The following FREM1 variants were observed in gnomAD, a reference collection of about 807,000 sequenced individuals.
The protein encoded by FREM1 is FRAS1 related extracellular matrix 1, also known as FRAS1-related extracellular matrix protein 1.
In FREM1, 220 loss-of-function variants were observed where a neutral mutation model predicts 210.1. That is an observed-to-expected ratio of 1.05 (90% CI 0.94 to 1.17). The LOEUF is 1.17. Among genes scored for constraint, FREM1 ranks in the 50% most tolerant of loss-of-function variants. The probability of loss-of-function intolerance (pLI) is 0.00; values close to 1 mark genes in which losing one functional copy is unlikely to be tolerated. For synonymous variants in FREM1, 1,189 were observed against 980.2 expected (o/e 1.21, Z -3.98); for missense variants, 3,454 against 2,675.5 (o/e 1.29, Z -6.42).
At chr9:14,787,095 C>T (rs1001157797) in intron 23 of FREM1, among the ~76,000 whole-genome samples, 2 of 152,178 alleles carry the variant, frequency 1.3e-5, no homozygotes, top group African/African-American at 4.8e-5. Flanking sequence ...CACAGCAACA[C>T]AGCAGTTGGG....
chr9:14,818,021 C>A (rs1820614034), intron 14 of FREM1, among the ~76,000 whole-genome samples: 1 of 152,112 alleles, frequency 6.6e-6, no homozygotes, highest in Admixed American at 6.5e-5. Flanking sequence ...AAAATCTGAC[C>A]CCTCCATATA....
intron 25 of FREM1, among the ~76,000 whole-genome samples, chr9:14,772,899 A>G (rs1847839550): frequency 6.6e-6 from 1 of 152,232 alleles, no homozygotes; most frequent in African/African-American, 2.4e-5. Context: ...TAATTCCTTA[A>G]AAATGAAAGT....
intron 25 of FREM1, among the ~76,000 whole-genome samples, chr9:14,774,489 A>G (rs897977808): frequency 2.0e-5 from 3 of 147,860 alleles, no homozygotes; most frequent in African/African-American, 7.5e-5. Flanking sequence ...GCATGAGCCA[A>G]TGAGCCAATT....
intron 21 of FREM1, among the ~76,000 whole-genome samples, chr9:14,794,782 G>A (rs186718409): frequency 2.6e-5 from 4 of 152,172 alleles, no homozygotes; most frequent in Non-Finnish European, 4.4e-5. Flanking sequence ...GGCAGATCAC[G>A]AGGTCAGGAG....
rs1444930176 is a variant in FREM1, at chr9:14,776,048, G to T, written c.4598C>A (p.Thr1533Asn). Reference sequence around the variant, plus strand: ...GTTCTCCGCAGGTGTATCAGGGTCGGTCAGCTGAAGGAGGTCAGGGGAAAG... The same window carrying T: ...GTTCTCCGCAGGTGTATCAGGGTCGTTCAGCTGAAGGAGGTCAGGGGAAAG... Reference protein sequence around the residue: ...GLLSPDLLQLTDPDTPAENLT... With the variant: ...GLLSPDLLQLNDPDTPAENLT... Residue 1533 changes from threonine to asparagine, a missense_variant, in exon 25 of 37, where the codon ACC becomes AAC. Coordinates refer to ENST00000380880, the MANE Select transcript of FREM1 (RefSeq NM_001379081.2). 1 of 1,613,980 alleles carries T rather than the reference G, an allele frequency of 6.2e-7. No individual in the cohort carries two copies. Among genetic ancestry groups the T allele is most frequent in the Admixed American group, 1.7e-5 (1 of 60,028 alleles).
At chr9:14,750,440 T>C (rs908151993) in intron 29 of FREM1, among the ~76,000 whole-genome samples, 164 bp from the exon 30 acceptor site, 3 of 152,040 alleles carry the variant, frequency 2.0e-5, no homozygotes, top group African/African-American at 7.2e-5. Context: ...CCAAATAATA[T>C]GAAAAGACCA....
At chr9:14,803,233 T>G (rs1237407221) in intron 19 of FREM1, among the ~76,000 whole-genome samples, 5 of 130,304 alleles carry the variant, frequency 3.8e-5, no homozygotes, top group African/African-American at 1.3e-4. Context: ...TCTCTTTCTT[T>G]CTCTCTCCTT....
At chr9:14,834,707 T>A (rs1025174880) in intron 10 of FREM1, among the ~76,000 whole-genome samples, 1 of 152,200 alleles carries the variant, frequency 6.6e-6, no homozygotes, top group Non-Finnish European at 1.5e-5. Context: ...ATCTGACATA[T>A]TTAGTCACAT....
rs943779763 is a variant in FREM1 at position 14,759,331 on chromosome 9, G to A, written c.5334+441C>T. ...TCGAGACCAGCCTGGCCAACATGGTGAAACCCCGTCTCCACTAAAAATACA... is the reference window on the plus strand; with the variant it reads ...TCGAGACCAGCCTGGCCAACATGGTAAAACCCCGTCTCCACTAAAAATACA... On this transcript the variant is annotated intron_variant, in intron 28 of 36. Transcript: ENST00000380880. Among the ~76,000 whole-genome samples, 3 of 151,980 alleles carry A rather than the reference G, an allele frequency of 2.0e-5. No homozygotes were observed. The South Asian group carries it at 6.2e-4, about 32-fold the overall frequency.
chr9:14,836,143 C>G lies in FREM1; in HGVS notation c.1881+5304G>C, dbSNP rs1824560439. Among the ~76,000 whole-genome samples, 1 of 152,236 alleles carries G rather than the reference C, an allele frequency of 6.6e-6. No homozygotes were observed. The highest frequency in any genetic ancestry group is 2.1e-4 in the South Asian group (1 of 4,836). Reference sequence around the variant, plus strand: ...CTTCATAGACCCCCAAAGGGGAGTTCTCTATCTTGGCAAGTAAAATTTTAG... The same window carrying G: ...CTTCATAGACCCCCAAAGGGGAGTTGTCTATCTTGGCAAGTAAAATTTTAG... On this transcript the variant is annotated intron_variant, in intron 10 of 36. Transcript: ENST00000380880. The surrounding 1 kb of genome is among the most constrained non-coding windows in gnomAD (Gnocchi z 4.9).
intron 1 of FREM1, among the ~76,000 whole-genome samples, chr9:14,906,207 G>A (rs1251204436): frequency 1.3e-5 from 2 of 152,168 alleles, no homozygotes; most frequent in Non-Finnish European, 2.9e-5. Context: ...TGAGGAAACT[G>A]GCTGAGTAAC....
At chr9:14,843,412 G>C (rs905840564) in intron 8 of FREM1, among the ~76,000 whole-genome samples, 2 of 152,092 alleles carry the variant, frequency 1.3e-5, no homozygotes, top group Non-Finnish European at 2.9e-5. Context: ...GGGCTTTCCT[G>C]GTTCTCCAAC....
Position 14,863,794 on chromosome 9 carries a change from T to A in FREM1, c.329+15A>T, listed in dbSNP as rs1380465884. 6.5e-7 allele frequency: 1 copy of A among 1,541,660 alleles called. No homozygotes were observed. The highest frequency in any genetic ancestry group is 1.7e-5 in the Admixed American group (1 of 59,798). ...TTACTTGGCAGCAAATGAGCGATGT[T>A]CCCGTGCCGCTTACCTGTAAAGTCT... On this transcript the variant is annotated intron_variant, in intron 3 of 36. Coordinates refer to ENST00000380880, the MANE Select transcript of FREM1 (RefSeq NM_001379081.2).
Position 14,819,335 on chromosome 9 carries a change from G to A in FREM1, c.2445C>T (p.Ser815=), listed in dbSNP as rs267602185. Residue 815 remains serine (S), a synonymous_variant, in exon 14 of 37, where the codon TCC becomes TCT. Transcript: ENST00000380880. ...TTCCGTGCAGAGGCAATTCCCGCAG[G>A]GAGAGGTCAATATTGTCCAGCTTGG... The part of the protein sequence containing the change: ...ADTKLDNIDL[S]LRELPLHGRV... 3 of 1,613,786 alleles carry A rather than the reference G, an allele frequency of 1.9e-6. No homozygotes were observed. The highest frequency in any genetic ancestry group is 2.5e-6 in the Non-Finnish European group (3 of 1,179,712).
Position 14,859,179 on chromosome 9 carries a change from A to T in FREM1, c.631+4T>A. The T allele has an allele frequency of 6.4e-7, 1 of 1,568,498 alleles. No individual in the cohort carries two copies. Among genetic ancestry groups the T allele is most frequent in the Non-Finnish European group, 8.6e-7 (1 of 1,158,474 alleles). On this transcript the variant is annotated splice_donor_region_variant and intron_variant, in intron 4 of 36. Transcript: ENST00000380880. ...ACCCAGAAAGGCATTAAAAGACATC[A>T]TACGGGACTCTGGGAAAAAACTGTG... is the stretch of plus-strand genomic sequence containing the variant.
intron 1 of FREM1, among the ~76,000 whole-genome samples, chr9:14,906,051 A>T (rs1396198345): frequency 6.6e-6 from 1 of 152,222 alleles, no homozygotes; most frequent in Non-Finnish European, 1.5e-5. Flanking sequence ...TCTATAAATT[A>T]AGTCGCTTGC....
In FREM1 at chr9:14,844,804, C is replaced by T. The variant is rs191215076; in HGVS notation, c.1393+1156G>A. Among the ~76,000 whole-genome samples the T allele has an allele frequency of 2.8e-4, 42 of 152,310 alleles. No homozygotes were observed. In the East Asian group the frequency reaches 6.6e-3, roughly 24 times the overall value. The stretch of plus-strand genomic sequence containing the variant: ...TTGTTGTATTGTGCTCCTAGGAAAA[C>T]TTGTTAGATACAGCAAACTTAGATC... On this transcript the variant is annotated intron_variant, in intron 8 of 36. Coordinates refer to ENST00000380880, the MANE Select transcript of FREM1 (RefSeq NM_001379081.2).
chr9:14,832,303 T>C (rs1315264199), intron 10 of FREM1, among the ~76,000 whole-genome samples: 3 of 152,206 alleles, frequency 2.0e-5, no homozygotes, highest in Non-Finnish European at 2.9e-5. Context: ...CTAACTACCC[T>C]AATAGGTATA....
chr9:14,752,812 T>C (rs528052256), intron 29 of FREM1, among the ~76,000 whole-genome samples: 57 of 152,282 alleles, frequency 3.7e-4, no homozygotes, highest in African/African-American at 1.2e-3. Flanking sequence ...ACCGACTCTC[T>C]GATTTTAAGG....
Sources: gnomAD v4.1 joint callset for allele counts (sites outside exome capture counted in the v4.1 genomes callset) on GRCh38, gnomAD v4.1.1 for gene constraint, Gnocchi (gnomAD v3.1) non-coding constraint, MANE v1.5 for transcripts, NCBI Gene and HGNC (gene_info 2026-07-23, HGNC 2026-07-21) for gene names.